Variants in AKAP7 observed in about 807,000 individuals in gnomAD.
The protein encoded by AKAP7 is A-kinase anchoring protein 7.
In AKAP7, 39 loss-of-function variants were observed where a neutral mutation model predicts 39.5. That is an observed-to-expected ratio of 0.99 (90% confidence interval 0.76 to 1.29). The LOEUF (loss-of-function observed/expected upper bound fraction) is 1.29, where lower values mean the gene tolerates loss of function less well. Ranked by LOEUF, AKAP7 falls within the 50% of genes most tolerant of loss-of-function variation. AKAP7 has a pLI of 0.00. For missense variants in AKAP7, 414 were observed against 407.7 expected (o/e 1.02, Z -0.13); for synonymous variants, 140 against 139.1 (o/e 1.01, Z -0.05).
At chr6:131,162,017 G>A (rs546262329) in intron 3 of AKAP7, among the ~76,000 whole-genome samples, 178 of 152,234 alleles carry the variant, frequency 1.2e-3, no homozygotes, top group Non-Finnish European at 2.1e-3. Flanking sequence ...TCCCTAGGCC[G>A]CTCATTTTCT....
chr6:131,127,185 A>G, the AKAP7 span, among the ~76,000 whole-genome samples: 2 of 152,014 alleles, frequency 1.3e-5, no homozygotes. Context: ...AGCTGGGATT[A>G]CAGGCATATG....
At chr6:131,250,209 C>T (rs921837664) in intron 7 of AKAP7, 31 of 1,009,084 alleles carry the variant, frequency 3.1e-5, no homozygotes, top group Non-Finnish European at 3.4e-5. Flanking sequence ...TTTTTCTCGA[C>T]TACCTTTCTT....
chr6:131,145,588 A>T (rs1330741686), intron 2 of AKAP7, among the ~76,000 whole-genome samples, 172 bp downstream of exon 2: 1 of 152,174 alleles, frequency 6.6e-6, no homozygotes, highest in Non-Finnish European at 1.5e-5. Flanking sequence ...TTGCTCTGTC[A>T]TCTAGGCTGG....
At chr6:131,204,072 A>G (rs1250717530) in intron 6 of AKAP7, among the ~76,000 whole-genome samples, 2 of 152,180 alleles carry the variant, frequency 1.3e-5, no homozygotes, top group Middle Eastern at 3.2e-3. Flanking sequence ...TAGAAAGACT[A>G]TCAGAGGTCA....
In AKAP7 at chr6:131,160,217, T is replaced by A. The variant is rs751636207; in HGVS notation, c.291+19T>A. ...CAAAGAGGTGCTATTTTTAAAAAGT[T>A]ATTTTTACTGTGAAATTTTATTCTA... is the stretch of plus-strand genomic sequence containing the variant. On this transcript the variant is annotated intron_variant, in intron 3 of 7. Coordinates refer to ENST00000431975, the MANE Select transcript of AKAP7 (RefSeq NM_016377.4). 1 of 1,589,682 alleles carries A rather than the reference T, an allele frequency of 6.3e-7. No homozygotes were observed. Among genetic ancestry groups the A allele is most frequent in the Non-Finnish European group, 8.5e-7 (1 of 1,173,226 alleles).
chr6:131,147,752 C>T (rs1020127145), intron 2 of AKAP7, among the ~76,000 whole-genome samples: 5 of 152,232 alleles, frequency 3.3e-5, no homozygotes, highest in Non-Finnish European at 7.3e-5. Flanking sequence ...CCGCGTTCTC[C>T]CTGTGAGCCT....
chr6:131,252,063 C>T (rs948642545), intron 7 of AKAP7, among the ~76,000 whole-genome samples: 2 of 152,172 alleles, frequency 1.3e-5, no homozygotes, highest in African/African-American at 2.4e-5. Flanking sequence ...CTCTTCTTCC[C>T]CTGTCTGTAA....
In AKAP7 at chr6:131,169,289, A is replaced by G. The variant is rs781370956; in HGVS notation, c.589+16A>G. 13 of 1,611,868 alleles carry G rather than the reference A, an allele frequency of 8.1e-6. No homozygotes were observed. Among genetic ancestry groups the G allele is most frequent in the African/African-American group, 1.3e-5 (1 of 74,822 alleles). On this transcript the variant is annotated intron_variant, in intron 5 of 7. Coordinates refer to ENST00000431975, the MANE Select transcript of AKAP7 (RefSeq NM_016377.4). The stretch of plus-strand genomic sequence containing the variant: ...GAGATAGCAGGTAAAACAGCAACAC[A>G]CTCATATGAAATCTTGTCTGTTGGA...
At chr6:131,219,078 C>T (rs1434734885) in intron 6 of AKAP7, among the ~76,000 whole-genome samples, 1 of 152,046 alleles carries the variant, frequency 6.6e-6, no homozygotes, top group African/African-American at 2.4e-5. Context: ...ACCATCCTGG[C>T]TAACACAGTG....
chr6:131,139,202 T>G (rs1207955455), intron 1 of AKAP7, among the ~76,000 whole-genome samples: 1 of 152,196 alleles, frequency 6.6e-6, no homozygotes, highest in Non-Finnish European at 1.5e-5. Context: ...AATATTTGGT[T>G]TGAGAAACAT....
At chr6:131,184,269 T>C (rs1446252369) in intron 5 of AKAP7, 2 of 491,826 alleles carry the variant, frequency 4.1e-6, no homozygotes, top group Non-Finnish European at 4.0e-6. Flanking sequence ...GTATGAAAAA[T>C]GAAGTGGAGG....
chr6:131,143,752 A>AT, intron 1 of AKAP7, among the ~76,000 whole-genome samples: 1 of 136,806 alleles, frequency 7.3e-6, no homozygotes, highest in South Asian at 2.3e-4. Context: ...TTTTTTTTTT[A>AT]TTTTTTATTT....
chr6:131,223,031 C>G (rs1044634252), intron 7 of AKAP7, among the ~76,000 whole-genome samples: 2 of 152,174 alleles, frequency 1.3e-5, no homozygotes, highest in African/African-American at 4.8e-5. Context: ...TTGCTTAATG[C>G]TCAGATGATT....
At chr6:131,273,077 A>AT (rs1290877635) in intron 7 of AKAP7, among the ~76,000 whole-genome samples, 1 of 152,100 alleles carries the variant, frequency 6.6e-6, no homozygotes, top group Non-Finnish European at 1.5e-5. Flanking sequence ...TTCCCTCATT[A>AT]TTATATAATA....
At chr6:131,237,799 C>G (rs1317014503) in intron 7 of AKAP7, among the ~76,000 whole-genome samples, 1 of 151,962 alleles carries the variant, frequency 6.6e-6, no homozygotes, top group Non-Finnish European at 1.5e-5. Flanking sequence ...TCTCTCTTTT[C>G]TTCTTTATTA....
At chr6:131,250,481 G>A in intron 7 of AKAP7, 4 of 1,597,272 alleles carry the variant, frequency 2.5e-6, no homozygotes, top group Non-Finnish European at 3.4e-6. Flanking sequence ...AAGGCAGGGT[G>A]TGCTCGCAGA....
chr6:131,172,257 G>A (rs1296863257), intron 5 of AKAP7, among the ~76,000 whole-genome samples: 1 of 152,182 alleles, frequency 6.6e-6, no homozygotes, highest in Non-Finnish European at 1.5e-5. Flanking sequence ...GTAGAGACAT[G>A]TAGGAATAAA....
At position 131,151,275 on chromosome 6, in the gene AKAP7, T is replaced by C. The variant is rs529056874; in HGVS notation, c.151+5859T>C. Among the ~76,000 whole-genome samples the C allele has an allele frequency of 6.6e-5, 10 of 151,602 alleles. No individual in the cohort carries two copies. In the South Asian group the frequency reaches 1.7e-3, roughly 25 times the overall value. ...TCAGGCTGGTTTCAAACTCGTGGGCTCAAGTGATCCACCTGCCTCAGCCTC... is the reference window on the plus strand; with the variant it reads ...TCAGGCTGGTTTCAAACTCGTGGGCCCAAGTGATCCACCTGCCTCAGCCTC... On this transcript the variant is annotated intron_variant, in intron 2 of 7. Coordinates refer to ENST00000431975, the MANE Select transcript of AKAP7 (RefSeq NM_016377.4).
chr6:131,246,581 G>A (rs1467264589), intron 7 of AKAP7, among the ~76,000 whole-genome samples: 1 of 152,118 alleles, frequency 6.6e-6, no homozygotes, highest in Non-Finnish European at 1.5e-5. Flanking sequence ...ATTTTTCCTG[G>A]AAGATGAATG....
Sources: gnomAD v4.1 joint callset for allele counts (sites outside exome capture counted in the v4.1 genomes callset) on GRCh38, gnomAD v4.1.1 for gene constraint, MANE v1.5 for transcripts, NCBI Gene and HGNC (gene_info 2026-07-23, HGNC 2026-07-21) for gene names.